Variants in MYH15 observed in about 807,000 individuals in gnomAD.
The protein encoded by MYH15 is myosin heavy chain 15.
MYH15 carries 227 observed loss-of-function variants against 240.5 expected under a neutral mutation model. The observed-to-expected ratio is 0.94, with a 90% CI of 0.85 to 1.05. The LOEUF (loss-of-function observed/expected upper bound fraction) is 1.05, where lower values mean the gene tolerates loss of function less well. Ranked by LOEUF, MYH15 falls within the 50% of genes least tolerant of loss-of-function variation. MYH15 has a pLI of 0.00. For synonymous variants in MYH15, 785 were observed against 796.7 expected, an observed-to-expected ratio of 0.99 and a Z score of 0.25; for missense variants, 2,217 against 2,247.5, an observed-to-expected ratio of 0.99 and a Z score of 0.27.
chr3:108,428,038 A>G (rs766324326), intron 27 of MYH15, among the ~76,000 whole-genome samples: 51 of 152,218 alleles, frequency 3.4e-4, no homozygotes, highest in Non-Finnish European at 6.5e-4. Flanking sequence ...CTGGCTGATT[A>G]AAAAGATGCC....
intron 3 of MYH15, 115 bp from the exon 4 acceptor site, chr3:108,500,389 G>A (rs2083427038): frequency 2.6e-6 from 3 of 1,149,372 alleles, no homozygotes; most frequent in Admixed American, 5.3e-5. Flanking sequence ...GGAACTCAGA[G>A]GGGAGCTTTT....
At chr3:108,403,088 T>C (rs1441950502) in intron 33 of MYH15, among the ~76,000 whole-genome samples, 1 of 152,212 alleles carries the variant, frequency 6.6e-6, no homozygotes, top group African/African-American at 2.4e-5. Flanking sequence ...GCACAGTGTC[T>C]GGTGAACATT....
rs1156311204 is a variant in MYH15 at position 108,459,396 on chromosome 3, C to G, written c.1986G>C (p.Val662=). 6.2e-7 allele frequency: 1 copy of G among 1,604,962 alleles called. No homozygotes were observed. Among genetic ancestry groups the G allele is most frequent in the East Asian group, 2.3e-5 (1 of 44,402 alleles). The part of the protein sequence containing the change: ...TNLKSTAPHF[V]RCINPNVNKI... The stretch of plus-strand genomic sequence containing the variant: ...TGTTCACATTGGGATTTATGCATCT[C>G]ACAAAATGAGGTGCTGTTGATTTCA... The change falls in exon 18 of 41, where the codon GTG becomes GTC. Residue 662 remains valine (V), a synonymous_variant. Transcript: ENST00000693548.
chr3:108,411,073 C>T lies in MYH15; in HGVS notation c.4146-141G>A, dbSNP rs1252084056. The T allele has an allele frequency of 4.6e-6, 3 of 651,920 alleles. No homozygotes were observed. In the African/African-American group the frequency reaches 5.5e-5, roughly 12 times the overall value. 40.4% of individuals were successfully genotyped at this position (651,920 alleles called of 1,614,324 possible). ...TGGACTTAGTGGTATAAAGCAACAG[C>T]AGCTCCTATCTGAAAGTGACCTCAC... On this transcript the variant is annotated intron_variant, in intron 30 of 40. Coordinates refer to ENST00000693548, the MANE Select transcript of MYH15 (RefSeq NM_014981.3).
At chr3:108,486,588 T>C in intron 9 of MYH15, 62 bp from the exon 10 acceptor site, 2 of 1,134,952 alleles carry the variant, frequency 1.8e-6, no homozygotes, top group Non-Finnish European at 1.3e-6. Flanking sequence ...TAGAAAATAA[T>C]TGGTCAATAT....
In MYH15 at chr3:108,428,508, T is replaced by C. The variant is rs746369043; in HGVS notation, c.3686A>G (p.Gln1229Arg). 1.9e-6 allele frequency: 3 copies of C among 1,612,694 alleles called. No homozygotes were observed. The highest frequency in any genetic ancestry group is 2.5e-6 in the Non-Finnish European group (3 of 1,179,146). ...AGTATCTACCTTAGCTCTTGTCATCTGCTCAACACGGGTCAGGAGGTCATC... is the reference window on the plus strand; with the variant it reads ...AGTATCTACCTTAGCTCTTGTCATCCGCTCAACACGGGTCAGGAGGTCATC... ...EVDDLLTRVE[Q>R]MTRAKANAEK... is the part of the protein sequence containing the mutation. The change falls in exon 27 of 41, where the codon CAG becomes CGG. Residue 1229 changes from glutamine to arginine, a missense_variant. Coordinates refer to ENST00000693548, the MANE Select transcript of MYH15 (RefSeq NM_014981.3).
rs111395370 is a variant in MYH15 at position 108,465,842 on chromosome 3, G to A, written c.1555-1028C>T. Among the ~76,000 whole-genome samples the A allele has an allele frequency of 4.0e-3, 610 of 152,166 alleles. 7 individuals carry two copies. Among genetic ancestry groups the A allele is most frequent in the African/African-American group, 0.014 (585 of 41,512 alleles). ...CCCGGGAGGCTGAGGCAGGAGAATC[G>A]CTTGAATCTGGGAGGCACAGGTTGC... On this transcript the variant is annotated intron_variant, in intron 14 of 40. Coordinates refer to ENST00000693548, the MANE Select transcript of MYH15 (RefSeq NM_014981.3).
chr3:108,520,331 A>G (rs547698018), intron 1 of MYH15, among the ~76,000 whole-genome samples: 38 of 152,342 alleles, frequency 2.5e-4, no homozygotes, highest in African/African-American at 9.1e-4. Context: ...CAGTAAAAAT[A>G]GCAAATTGTT....
chr3:108,484,358 C>T (rs1253433585), intron 11 of MYH15, among the ~76,000 whole-genome samples: 1 of 152,160 alleles, frequency 6.6e-6, no homozygotes, highest in East Asian at 1.9e-4. Flanking sequence ...GAAATAAAGC[C>T]TCCTGGTCTC....
At chr3:108,542,943 C>T in the MYH15 span, among the ~76,000 whole-genome samples, 10 of 149,088 alleles carry the variant, frequency 6.7e-5, no homozygotes, top group East Asian at 3.9e-4. Context: ...TGCAGTGGCA[C>T]GATCTCAGCT....
chr3:108,428,585 C>A lies in MYH15; in HGVS notation c.3609G>T (p.Gln1203His), dbSNP rs772948146. 10 of 1,613,948 alleles carry A rather than the reference C, an allele frequency of 6.2e-6. No homozygotes were observed. Among genetic ancestry groups the A allele is most frequent in the Non-Finnish European group, 8.5e-6 (10 of 1,180,022 alleles). The change falls in exon 27 of 41, where the codon CAG becomes CAT. Residue 1203 changes from glutamine to histidine, a missense_variant. By Grantham distance (24) the Gln-to-His change is conservative. Transcript: ENST00000693548. ...CTTTTTCCAGTTTCTGCTTGACCTG[C>A]TGTAGATTTTCTACCTGGCCCTCGA... ...AELEGQVENL[Q>H]QVKQKLEKDK...
chr3:108,468,684 G>A (rs1311516395), intron 14 of MYH15, among the ~76,000 whole-genome samples: 2 of 152,162 alleles, frequency 1.3e-5, no homozygotes, highest in African/African-American at 4.8e-5. Context: ...TGATGCTAGT[G>A]TGTTATTTGG....
intron 29 of MYH15, among the ~76,000 whole-genome samples, chr3:108,415,387 C>T (rs1163280819): frequency 6.6e-6 from 1 of 152,208 alleles, no homozygotes; most frequent in Non-Finnish European, 1.5e-5. Context: ...GAAAAGGATG[C>T]AGGCTTTGGA....
upstream of MYH15, among the ~76,000 whole-genome samples, chr3:108,511,976 T>C (rs574788224): frequency 1.2e-3 from 190 of 152,290 alleles, 2 homozygotes; most frequent in South Asian, 7.9e-3. Context: ...ATGTGACTTG[T>C]GGGAAATCAC....
At chr3:108,426,509 C>G (rs1254510006) in intron 27 of MYH15, among the ~76,000 whole-genome samples, 1 of 152,212 alleles carries the variant, frequency 6.6e-6, no homozygotes, top group Non-Finnish European at 1.5e-5. Flanking sequence ...AGGTTCAGCT[C>G]AGGTCACCAC....
At chr3:108,461,484 T>TA (rs970441289) in intron 16 of MYH15, among the ~76,000 whole-genome samples, 9 of 152,020 alleles carry the variant, frequency 5.9e-5, no homozygotes, top group Middle Eastern at 3.4e-3. Context: ...AAGAATTATT[T>TA]AAAAAAAAGG....
At chr3:108,463,285 A>AG in intron 15 of MYH15, 42 bp from the exon 16 acceptor site, 1 of 1,568,060 alleles carries the variant, frequency 6.4e-7, no homozygotes, top group Non-Finnish European at 8.6e-7. Context: ...AAGAAAAAAA[A>AG]CTGCATAAGT....
intron 1 of MYH15, among the ~76,000 whole-genome samples, chr3:108,523,875 T>A (rs951398396): frequency 6.6e-6 from 1 of 151,894 alleles, no homozygotes; most frequent in Non-Finnish European, 1.5e-5. Flanking sequence ...ATCTGCCAAA[T>A]CAACTGCTAC....
rs1344530826 is a variant in MYH15 at position 108,463,175 on chromosome 3, T to C, written c.1800A>G (p.Val600=). The change falls in exon 16 of 41, where the codon GTA becomes GTG. Residue 600 remains valine (V), a synonymous_variant. Coordinates refer to ENST00000693548, the MANE Select transcript of MYH15 (RefSeq NM_014981.3). Reference sequence around the variant, plus strand: ...GGAGTCTGTTGGAAGACTTCTGAAATACAGCTACCACTGTTTCATTAAGGA... The same window carrying C: ...GGAGTCTGTTGGAAGACTTCTGAAACACAGCTACCACTGTTTCATTAAGGA... ...KDLLNETVVA[V]FQKSSNRLLA... 1.9e-6 allele frequency: 3 copies of C among 1,613,256 alleles called. No homozygotes were observed.
Sources: gnomAD v4.1 joint callset for allele counts (sites outside exome capture counted in the v4.1 genomes callset) on GRCh38, gnomAD v4.1.1 for gene constraint, MANE v1.5 for transcripts, NCBI Gene and HGNC (gene_info 2026-07-23, HGNC 2026-07-21) for gene names.